AGR2: variants seen among roughly 807,000 people sequenced by gnomAD.
The protein encoded by AGR2 is anterior gradient 2, protein disulphide isomerase family member.
In AGR2, 27 loss-of-function variants were observed where a neutral mutation model predicts 25.9. The observed-to-expected ratio is 1.04, with a 90% CI of 0.77 to 1.44. The LOEUF (loss-of-function observed/expected upper bound fraction) is 1.44. AGR2 is among the 40% of genes most tolerant of loss of function. The pLI, the probability that AGR2 is intolerant of heterozygous loss-of-function variation, is 0.00. For missense variants in AGR2, 182 were observed against 200.9 expected (o/e 0.91, Z 0.57); for synonymous variants, 78 against 72.0 (o/e 1.08, Z -0.42).
At chr7:16,797,757 T>C in intron 5 of AGR2, 63 bp from the exon 6 acceptor site, 1 of 1,392,430 alleles carries the variant, frequency 7.2e-7, no homozygotes, top group Non-Finnish European at 1.0e-6. Flanking sequence ...TCAAACTTGT[T>C]AATACAAGAA....
intron 6 of AGR2, 82 bp downstream of exon 6, chr7:16,797,549 G>T: frequency 1.6e-6 from 2 of 1,246,258 alleles, no homozygotes; most frequent in South Asian, 1.3e-5. Context: ...TGGCAACGTG[G>T]CAAGGGACAG....
rs762550508 is a variant in AGR2, at chr7:16,801,745, T to C, written c.52A>G (p.Thr18Ala). 1.1e-5 allele frequency: 18 copies of C among 1,612,928 alleles called. No individual in the cohort carries two copies. The Admixed American group carries it at 1.8e-4, about 16-fold the overall frequency. The change falls in exon 2 of 8, where the codon ACT becomes GCT. Residue 18 changes from threonine to alanine, a missense_variant. By Grantham distance (58) the Thr-to-Ala change is moderately conservative. Coordinates refer to ENST00000419304, the MANE Select transcript of AGR2 (RefSeq NM_006408.4). ...AFLLLVALSY[T>A]LARDTTVKPG... ...TTGACTGTGGTATCTCTGGCCAGAG[T>C]GTAGGAGAGGGCCACAAGGAGCAAG...
chr7:16,802,538 C>G (rs995389851), intron 1 of AGR2, among the ~76,000 whole-genome samples: 9 of 152,102 alleles, frequency 5.9e-5, no homozygotes, highest in African/African-American at 2.2e-4. Context: ...TATGAATACT[C>G]TATTGGAAGT....
chr7:16,796,219 C>T (rs768522691), intron 6 of AGR2, among the ~76,000 whole-genome samples: 2 of 152,160 alleles, frequency 1.3e-5, no homozygotes, highest in Non-Finnish European at 2.9e-5. Flanking sequence ...AGCAAGCTGC[C>T]TTGGAGCTGG....
At chr7:16,797,263 G>C (rs819013) in intron 6 of AGR2, among the ~76,000 whole-genome samples, 2,094 of 152,164 alleles carry the variant, frequency 0.014, 51 homozygotes, top group African/African-American at 0.047. Flanking sequence ...AAAAATGTCA[G>C]AAAAATCTAA....
At chr7:16,802,404 C>G (rs1189893862) in intron 1 of AGR2, among the ~76,000 whole-genome samples, 1 of 152,204 alleles carries the variant, frequency 6.6e-6, no homozygotes, top group Non-Finnish European at 1.5e-5. Context: ...ACCTAACCCA[C>G]TGAACACCAC....
chr7:16,799,340 G>A (rs186168213), intron 5 of AGR2, among the ~76,000 whole-genome samples: 2 of 152,258 alleles, frequency 1.3e-5, no homozygotes, highest in African/African-American at 4.8e-5. Flanking sequence ...GAAGTAAGGT[G>A]GGAATGCATG....
Position 16,801,369 on chromosome 7 carries a change from G to C in AGR2, c.154C>G (p.Leu52Val), listed in dbSNP as rs1311854632. ...TCTTCATATGTCTGAGTCCAGATGA[G>C]TTGGTCACCCCAACCTAGAATGAAA... is the stretch of plus-strand genomic sequence containing the variant. ...QTLSRGWGDQ[L>V]IWTQTYEEAL... Residue 52 changes from leucine (L) to valine (V), a missense_variant, in exon 3 of 8, where the codon CTC (leucine) becomes GTC (valine). Leu to Val is a conservative substitution (Grantham distance 32). Transcript: ENST00000419304. 1.9e-6 allele frequency: 3 copies of C among 1,613,452 alleles called. No homozygotes were observed. Among genetic ancestry groups the C allele is most frequent in the East Asian group, 4.5e-5 (2 of 44,868 alleles).
intron 7 of AGR2, among the ~76,000 whole-genome samples, 171 bp from the exon 8 acceptor site, chr7:16,793,128 A>G (rs1404826129): frequency 6.6e-6 from 1 of 152,110 alleles, no homozygotes; most frequent in Non-Finnish European, 1.5e-5. Flanking sequence ...CACTCAGTGC[A>G]ACCTCTGCCT....
At chr7:16,798,028 G>A (rs779380784) in intron 5 of AGR2, among the ~76,000 whole-genome samples, 6 of 152,298 alleles carry the variant, frequency 3.9e-5, no homozygotes, top group Non-Finnish European at 7.3e-5. Context: ...GAGAAATTAC[G>A]GAGACAAGTA....
At chr7:16,801,267 T>C in intron 3 of AGR2, 53 bp downstream of exon 3, 1 of 1,607,672 alleles carries the variant, frequency 6.2e-7, no homozygotes, top group Non-Finnish European at 8.5e-7. Context: ...TAGATGTCAC[T>C]AGGTGGTGCT....
rs755715177 is a variant in AGR2 at position 16,799,830 on chromosome 7, G to GA, written c.257-14dup. ...ACTTTCTTTAAAGCTATAATATAAA[G>GA]AAAAATCATTAAGCATCCATCTTAG... is the stretch of plus-strand genomic sequence containing the variant. On this transcript the variant is annotated splice_polypyrimidine_tract_variant and intron_variant, in intron 4 of 7. Coordinates refer to ENST00000419304, the MANE Select transcript of AGR2 (RefSeq NM_006408.4). 6.4e-7 allele frequency: 1 copy of GA among 1,563,906 alleles called. No homozygotes were observed. The highest frequency in any genetic ancestry group is 8.8e-7 in the Non-Finnish European group (1 of 1,138,840).
In AGR2 at chr7:16,792,920, C is replaced by T; in HGVS notation, c.516G>A (p.Lys172=). The change falls in exon 8 of 8, where the codon AAG becomes AAA. Residue 172 remains lysine (K), a synonymous_variant. Coordinates refer to ENST00000419304, the MANE Select transcript of AGR2 (RefSeq NM_006408.4). ...DNMKKALKLL[K]TEL ...AGATTTTTTTTCTTTACAATTCAGT[C>T]TTCAGCAACTTGAGAGCTTTCTTCA... is the stretch of plus-strand genomic sequence containing the variant. 1.2e-6 allele frequency: 2 copies of T among 1,614,074 alleles called. No homozygotes were observed. Among genetic ancestry groups the T allele is most frequent in the Non-Finnish European group, 1.7e-6 (2 of 1,179,966 alleles).
Position 16,801,163 on chromosome 7 carries a change from G to A in AGR2, c.244C>T (p.Pro82Ser). 1.9e-6 allele frequency: 3 copies of A among 1,613,642 alleles called. No individual in the cohort carries two copies. Among genetic ancestry groups the A allele is most frequent in the Non-Finnish European group, 2.5e-6 (3 of 1,179,702 alleles). ...LMIIHHLDEC[P>S]HSQALKKVFA... ...AAGAATAAATTACCTTGACTGTGTG[G>A]GCACTCATCCAAGTGATGAATAATC... The change falls in exon 4 of 8, where the codon CCA becomes TCA. Residue 82 changes from proline (P) to serine (S), a missense_variant. Pro to Ser is a moderately conservative substitution (Grantham distance 74). Transcript: ENST00000419304.
chr7:16,801,688 G>T lies in AGR2; in HGVS notation c.109C>A (p.Arg37=), dbSNP rs776410960. 1.9e-6 allele frequency: 3 copies of T among 1,613,762 alleles called. No homozygotes were observed. Among genetic ancestry groups the T allele is most frequent in the East Asian group, 2.2e-5 (1 of 44,862 alleles). ...GAGAGGGTCTGGGGCAGTTTGGGTC[G>T]AGAGTCCTTTGTGTCCTTTTTGGCT... ...PGAKKDTKDS[R]PKLPQTLSRG... is the part of the protein sequence containing the mutation. Residue 37 remains arginine, a synonymous_variant, in exon 2 of 8, where the codon CGA becomes AGA. Coordinates refer to ENST00000419304, the MANE Select transcript of AGR2 (RefSeq NM_006408.4).
At chr7:16,802,357 A>G (rs1156372371) in intron 1 of AGR2, among the ~76,000 whole-genome samples, 1 of 152,304 alleles carries the variant, frequency 6.6e-6, no homozygotes. Context: ...GTCATGGACC[A>G]TAACCCCCAC....
Position 16,801,816 on chromosome 7 carries a change from A to G in AGR2, c.-7-13T>C, listed in dbSNP as rs111491359. 2,928 of 1,598,152 alleles carry G rather than the reference A, an allele frequency of 1.8e-3. 22 individuals carry two copies. The African/African-American group carries it at 0.023, about 13-fold the overall frequency. On this transcript the variant is annotated splice_polypyrimidine_tract_variant and intron_variant, in intron 1 of 7. Coordinates refer to ENST00000419304, the MANE Select transcript of AGR2 (RefSeq NM_006408.4). ...CTCCATGGCAACTCTAGTATGGAAA[A>G]CCAACCAAAATCAGTAAACAAAATT...
At chr7:16,803,065 C>T (rs1273350808) in intron 1 of AGR2, 1 of 152,164 alleles carries the variant, frequency 6.6e-6, no homozygotes, top group Non-Finnish European at 1.5e-5. Context: ...AAACTCCTGA[C>T]CTCAAGTGAT....
chr7:16,797,471 A>G (rs1431384439), intron 6 of AGR2, among the ~76,000 whole-genome samples, 160 bp downstream of exon 6: 4 of 152,222 alleles, frequency 2.6e-5, no homozygotes, highest in African/African-American at 4.8e-5. Context: ...CATTTTCTAA[A>G]GAAAATATGT....
Sources: allele counts gnomAD v4.1 joint callset (sites outside exome capture counted in the v4.1 genomes callset), GRCh38; gene constraint gnomAD v4.1.1; transcripts MANE v1.5; gene names NCBI Gene and HGNC (gene_info 2026-07-23, HGNC 2026-07-21).